The following CAPN8 variants were observed in gnomAD, a reference collection of about 807,000 sequenced individuals.
CAPN8 encodes calpain-8.
A neutral mutation model predicts 80.9 loss-of-function variants in CAPN8; 87 were observed. That is an observed-to-expected ratio of 1.07 (90% CI 0.90 to 1.28). The LOEUF is 1.28. Ranked by LOEUF, CAPN8 falls within the 50% of genes most tolerant of loss-of-function variation. The pLI, the probability that CAPN8 is intolerant of heterozygous loss-of-function variation, is 0.00. For missense variants in CAPN8, 757 were observed against 702.0 expected (o/e 1.08, Z -0.89); for synonymous variants, 299 against 273.8 (o/e 1.09, Z -0.91).
intron 15 of CAPN8, 60 bp downstream of exon 15, chr1:223,550,900 C>A: frequency 1.4e-6 from 1 of 707,808 alleles, no homozygotes. Flanking sequence ...GCCTACCCAT[C>A]CCTCACCCTG....
chr1:223,633,294 A>T (rs1657824967), intron 2 of CAPN8, among the ~76,000 whole-genome samples: 1 of 152,062 alleles, frequency 6.6e-6, no homozygotes. Flanking sequence ...TTTCAAATAC[A>T]CACATTGCAC....
chr1:223,621,767 A>G (rs1572237017), intron 7 of CAPN8, among the ~76,000 whole-genome samples: 1 of 152,112 alleles, frequency 6.6e-6, no homozygotes, highest in East Asian at 1.9e-4. Flanking sequence ...ATCACAGAGT[A>G]CCGACAGCAC....
chr1:223,662,851 A>G (rs1461586109), intron 1 of CAPN8, among the ~76,000 whole-genome samples: 9 of 152,222 alleles, frequency 5.9e-5, no homozygotes, highest in Non-Finnish European at 1.2e-4. Flanking sequence ...CATGTTCCTC[A>G]TAGAGATAGG....
chr1:223,616,242 T>C, intron 9 of CAPN8, 97 bp from the exon 10 acceptor site: 1 of 1,332,690 alleles, frequency 7.5e-7, no homozygotes, highest in Non-Finnish European at 1.0e-6. Flanking sequence ...TCCTAATGAA[T>C]GCACAGCTCC....
At position 223,642,045 on chromosome 1, in the gene CAPN8, C is replaced by T. The variant is rs966056123; in HGVS notation, c.307+12285G>A. 3.3e-5 allele frequency among the ~76,000 whole-genome samples: 5 copies of T among 152,276 alleles called. No homozygotes were observed. The East Asian group carries it at 5.8e-4, about 18-fold the overall frequency. On this transcript the variant is annotated intron_variant, in intron 2 of 20. Coordinates refer to ENST00000366872, the MANE Select transcript of CAPN8 (RefSeq NM_001143962.2). ...AACCTGGCACACCTTACTAGAACATCGTCCTCCTTTTAGAGTGGATGATGG... is the reference window on the plus strand; with the variant it reads ...AACCTGGCACACCTTACTAGAACATTGTCCTCCTTTTAGAGTGGATGATGG...
At chr1:223,664,788 C>T (rs1348651575) in intron 1 of CAPN8, among the ~76,000 whole-genome samples, 4 of 152,112 alleles carry the variant, frequency 2.6e-5, no homozygotes, top group Non-Finnish European at 4.4e-5. Context: ...AATATGTAAA[C>T]ATTAGCTGGG....
At chr1:223,609,092 GC>G in intron 12 of CAPN8, 60 bp downstream of exon 12, 1 of 397,720 alleles carries the variant, frequency 2.5e-6, no homozygotes, top group Non-Finnish European at 4.4e-6. Context: ...CCTGCATGGG[GC>G]CATTTCCCTT....
At chr1:223,627,913 C>T (rs773180263) in intron 4 of CAPN8, 96 bp downstream of exon 4, 141 of 1,385,398 alleles carry the variant, frequency 1.0e-4, no homozygotes, top group Admixed American at 2.8e-4. Context: ...CGCCATGACG[C>T]CCTGAGTTTG....
chr1:223,654,463 A>G, intron 1 of CAPN8, 64 bp from the exon 2 acceptor site: 1 of 1,421,316 alleles, frequency 7.0e-7, no homozygotes. Context: ...AGCCTGGGGA[A>G]AGGAACATCA....
At chr1:223,639,448 C>G (rs1168161091) in intron 2 of CAPN8, among the ~76,000 whole-genome samples, 1 of 152,204 alleles carries the variant, frequency 6.6e-6, no homozygotes, top group Non-Finnish European at 1.5e-5. Flanking sequence ...GGGAAGCCAT[C>G]AGGCTGGGGA....
intron 13 of CAPN8, 92 bp from the exon 14 acceptor site, chr1:223,553,992 T>A: frequency 2.5e-6 from 1 of 397,372 alleles, no homozygotes; most frequent in East Asian, 3.6e-5. Context: ...TCCATTAGTA[T>A]CTATGATGCA....
rs369229033 is a variant in CAPN8, at chr1:223,665,399, C to T, written c.237+11G>A. The T allele has an allele frequency of 9.4e-5, 145 of 1,547,920 alleles. No homozygotes were observed. In the African/African-American group the frequency reaches 1.6e-3, roughly 18 times the overall value. ...CTTGTATGTCACTCAACAGCAAGCC[C>T]GCTTCCTTACCGTGGGCCGCTTCCA... On this transcript the variant is annotated intron_variant, in intron 1 of 20. Transcript: ENST00000366872.
intron 13 of CAPN8, among the ~76,000 whole-genome samples, chr1:223,557,636 A>G (rs1343162281): frequency 6.6e-6 from 1 of 152,008 alleles, no homozygotes; most frequent in Non-Finnish European, 1.5e-5. Context: ...TCGGCTCAGA[A>G]CTCACCTCCT....
intron 5 of CAPN8, among the ~76,000 whole-genome samples, chr1:223,626,284 C>T (rs1231374445): frequency 2.0e-5 from 3 of 152,184 alleles, no homozygotes; most frequent in African/African-American, 4.8e-5. Flanking sequence ...CCCATTTCCT[C>T]AGCACCCCCT....
intron 11 of CAPN8, 99 bp from the exon 12 acceptor site, chr1:223,609,463 T>C (rs1656979076): frequency 7.5e-6 from 3 of 397,672 alleles, no homozygotes; most frequent in Non-Finnish European, 1.3e-5. Flanking sequence ...ATTATTGATT[T>C]TTACCATTGC....
rs147885862 is a variant in CAPN8 at position 223,544,835 on chromosome 1, T to C, written c.1849A>G (p.Thr617Ala). ...IQKYLEIYWE[T>A]DYNHSGTIDA... The stretch of plus-strand genomic sequence containing the variant: ...ATGGTGCCCGAGTGGTTATAATCAG[T>C]TTCCCAATAGATCTCCTAAAGCAGG... The change falls in exon 18 of 21, where the codon ACT (threonine) becomes GCT (alanine). Residue 617 changes from threonine to alanine, a missense_variant. Physicochemically the swap from Thr to Ala is moderately conservative, Grantham distance 58 (BLOSUM62 0). Coordinates refer to ENST00000366872, the MANE Select transcript of CAPN8 (RefSeq NM_001143962.2). 419 of 1,551,632 alleles carry C rather than the reference T, an allele frequency of 2.7e-4. 2 individuals carry two copies. The African/African-American group carries it at 5.3e-3, about 20-fold the overall frequency.
chr1:223,634,737 A>T (rs1657868350), intron 2 of CAPN8, among the ~76,000 whole-genome samples: 1 of 152,196 alleles, frequency 6.6e-6, no homozygotes, highest in Non-Finnish European at 1.5e-5. Flanking sequence ...TCTTTTATAA[A>T]GGCACTAATC....
In CAPN8 at chr1:223,549,281, G is replaced by GT. The variant is rs1491377859; in HGVS notation, c.1764+36dup. 19 of 1,504,056 alleles carry GT rather than the reference G, an allele frequency of 1.3e-5. No individual in the cohort carries two copies. In the African/African-American group the frequency reaches 2.4e-4, roughly 19 times the overall value. 93.2% of individuals were successfully genotyped at this position (1,504,056 alleles called of 1,614,324 possible). A position where few individuals can be genotyped will look rare whatever the true frequency, so the allele number is the denominator to read the frequency against. ...AGGAGTCTTTAAAAACCGGACGAAA[G>GT]TAAAAAAAAAAAAATAATGCAACAT... On this transcript the variant is annotated intron_variant, in intron 16 of 20. Coordinates refer to ENST00000366872, the MANE Select transcript of CAPN8 (RefSeq NM_001143962.2).
rs1657316584 is a variant in CAPN8, at chr1:223,619,541, G to A, written c.975-88C>T. The stretch of plus-strand genomic sequence containing the variant: ...TACTGAGCACGGGAAGGAGCCCTGT[G>A]GCACAGGCCCTAGAGGCCGTGGGCT... On this transcript the variant is annotated intron_variant, in intron 8 of 20. Transcript: ENST00000366872. 2.8e-6 allele frequency: 4 copies of A among 1,415,276 alleles called. No homozygotes were observed. The Admixed American group carries it at 6.2e-5, about 22-fold the overall frequency. 87.7% of individuals were successfully genotyped at this position (1,415,276 alleles called of 1,614,324 possible).
Sources: allele counts gnomAD v4.1 joint callset (sites outside exome capture counted in the v4.1 genomes callset), GRCh38; gene constraint gnomAD v4.1.1; transcripts MANE v1.5; gene names NCBI Gene and HGNC (gene_info 2026-07-23, HGNC 2026-07-21).